ASIC2: variants seen among roughly 807,000 people sequenced by gnomAD.
ASIC2 encodes the protein acid-sensing ion channel 2.
A neutral mutation model predicts 57.3 loss-of-function variants in ASIC2; 25 were observed. That is an observed-to-expected ratio of 0.44 (90% CI 0.32 to 0.61). The LOEUF (loss-of-function observed/expected upper bound fraction) is 0.61. Ranked by LOEUF, ASIC2 falls within the 20% of genes least tolerant of loss-of-function variation. The pLI is 0.06. For missense variants in ASIC2, 641 were observed against 738.1 expected (o/e 0.87, Z 1.52); for synonymous variants, 319 against 307.5 (o/e 1.04, Z -0.39).
chr17:33,775,203 G>A (rs755205), intron 1 of ASIC2, among the ~76,000 whole-genome samples: 7 of 152,194 alleles, frequency 4.6e-5, no homozygotes, highest in African/African-American at 1.7e-4. Context: ...AGCTGGCTGG[G>A]AGGCTACTGC....
chr17:34,033,345 T>G, intron 1 of ASIC2, among the ~76,000 whole-genome samples: 1 of 151,910 alleles, frequency 6.6e-6, no homozygotes, highest in Non-Finnish European at 1.5e-5. Flanking sequence ...TACCAGAATC[T>G]CTGGGACACA....
chr17:33,999,742 T>A (rs1016195340), intron 1 of ASIC2, among the ~76,000 whole-genome samples: 5 of 152,172 alleles, frequency 3.3e-5, no homozygotes, highest in African/African-American at 1.2e-4. Flanking sequence ...TAGCTATAGT[T>A]ATTTTAATAT....
At chr17:34,150,114 T>A (rs981032664) in intron 1 of ASIC2, among the ~76,000 whole-genome samples, 12 of 152,184 alleles carry the variant, frequency 7.9e-5, no homozygotes, top group African/African-American at 2.9e-4. Flanking sequence ...GAGGACACTA[T>A]GCAAAGTGAA....
intron 1 of ASIC2, among the ~76,000 whole-genome samples, chr17:34,086,616 T>A (rs898756623): frequency 1.6e-4 from 24 of 152,354 alleles, no homozygotes; most frequent in African/African-American, 5.3e-4. Context: ...GTCTCACTGA[T>A]CTGTCTAATG....
chr17:33,420,618 T>C (rs1272149511), intron 1 of ASIC2, among the ~76,000 whole-genome samples: 2 of 152,206 alleles, frequency 1.3e-5, no homozygotes, highest in African/African-American at 2.4e-5. Flanking sequence ...TACAGATATC[T>C]GCTTTTGATT....
chr17:33,392,293 C>T (rs573022458), intron 1 of ASIC2, among the ~76,000 whole-genome samples: 3 of 148,794 alleles, frequency 2.0e-5, no homozygotes, highest in African/African-American at 7.5e-5. Flanking sequence ...CAGAGTCTTG[C>T]TCTGTTACCC....
intron 1 of ASIC2, among the ~76,000 whole-genome samples, chr17:33,717,316 A>G (rs1909253967): frequency 6.6e-6 from 1 of 152,236 alleles, no homozygotes; most frequent in Admixed American, 6.5e-5. Flanking sequence ...CGCTCAAAAT[A>G]TAGGTAGAGA....
At chr17:33,416,373 C>A (rs776606362) in intron 1 of ASIC2, among the ~76,000 whole-genome samples, 4 of 152,158 alleles carry the variant, frequency 2.6e-5, no homozygotes, top group Non-Finnish European at 5.9e-5. Flanking sequence ...TTTCGATTTG[C>A]ACTCCAGGGT....
At chr17:33,422,692 G>C (rs1027403911) in intron 1 of ASIC2, among the ~76,000 whole-genome samples, 7 of 152,220 alleles carry the variant, frequency 4.6e-5, no homozygotes, top group African/African-American at 1.7e-4. Context: ...TCAACACAGA[G>C]AGACTTAATC....
At chr17:33,071,024 C>T (rs73982415) in intron 3 of ASIC2, among the ~76,000 whole-genome samples, 2,675 of 151,932 alleles carry the variant, frequency 0.018, 77 homozygotes, top group African/African-American at 0.061. Flanking sequence ...TTTCTCTGGA[C>T]GCTTTTAACA....
At chr17:33,226,323 A>T (rs1364477072) in intron 1 of ASIC2, among the ~76,000 whole-genome samples, 1 of 152,240 alleles carries the variant, frequency 6.6e-6, no homozygotes, top group Non-Finnish European at 1.5e-5. Flanking sequence ...AGTACTATAC[A>T]CTAACTCTGT....
chr17:33,586,572 ATTC>A (rs1345227399), intron 1 of ASIC2, among the ~76,000 whole-genome samples: 2 of 152,054 alleles, frequency 1.3e-5, no homozygotes, highest in African/African-American at 2.4e-5. Flanking sequence ...CTCCCTTGTC[ATTC>A]TTCTTTTGGC....
chr17:33,867,043 G>A (rs1399924064), intron 1 of ASIC2, among the ~76,000 whole-genome samples: 1 of 152,198 alleles, frequency 6.6e-6, no homozygotes, highest in Non-Finnish European at 1.5e-5. Flanking sequence ...AGCTACTGCT[G>A]CAGACGTTGA....
intron 1 of ASIC2, among the ~76,000 whole-genome samples, chr17:34,093,447 C>T (rs1022228179): frequency 7.9e-5 from 12 of 152,222 alleles, no homozygotes; most frequent in African/African-American, 2.9e-4. Flanking sequence ...CGTCAAGCCC[C>T]ACAAAGTCCT....
intron 1 of ASIC2, among the ~76,000 whole-genome samples, chr17:34,032,943 T>C (rs1194240767): frequency 1.3e-5 from 2 of 152,104 alleles, no homozygotes; most frequent in Admixed American, 6.5e-5. Flanking sequence ...CTGTCAACAT[T>C]AGACAGATAA....
intron 1 of ASIC2, among the ~76,000 whole-genome samples, chr17:33,198,347 G>A (rs966808225): frequency 6.6e-6 from 1 of 152,206 alleles, no homozygotes; most frequent in African/African-American, 2.4e-5. Flanking sequence ...GTGAGACCCT[G>A]TTTCAAAACA....
intron 1 of ASIC2, among the ~76,000 whole-genome samples, chr17:33,570,019 C>A (rs1916379666): frequency 1.3e-5 from 2 of 151,998 alleles, no homozygotes; most frequent in African/African-American, 4.8e-5. Context: ...CCCATCACTC[C>A]TCTCCACCTC....
At position 33,238,978 on chromosome 17, in the gene ASIC2, T is replaced by A. The variant is rs1908399962; in HGVS notation, c.708+52430A>T. 4.0e-5 allele frequency among the ~76,000 whole-genome samples: 6 copies of A among 151,734 alleles called. No homozygotes were observed. In the South Asian group the frequency reaches 1.2e-3, roughly 32 times the overall value. ...AAGATTGCACCACTGTACTCCAGCCTGAATGACAGAGAGAGACTCTGTCTC... is the reference window on the plus strand; with the variant it reads ...AAGATTGCACCACTGTACTCCAGCCAGAATGACAGAGAGAGACTCTGTCTC... On this transcript the variant is annotated intron_variant, in intron 1 of 9. Coordinates refer to ENST00000225823, the MANE Select transcript of ASIC2 (RefSeq NM_183377.2).
intron 1 of ASIC2, among the ~76,000 whole-genome samples, chr17:33,924,902 C>T (rs1408435643): frequency 2.6e-5 from 4 of 152,202 alleles, no homozygotes; most frequent in African/African-American, 9.7e-5. Flanking sequence ...ACCATGCAGA[C>T]ACATGCCATG....
Sources: gnomAD v4.1 joint callset for allele counts (sites outside exome capture counted in the v4.1 genomes callset) on GRCh38, gnomAD v4.1.1 for gene constraint, MANE v1.5 for transcripts, NCBI Gene and HGNC (gene_info 2026-07-23, HGNC 2026-07-21) for gene names.